Variants in ADGRL3 observed in about 807,000 individuals in gnomAD.
ADGRL3 encodes the protein calcium-independent alpha-latrotoxin receptor 3.
A neutral mutation model predicts 153.5 loss-of-function variants in ADGRL3; 62 were observed. The ratio of observed to expected loss-of-function variants is 0.40; its 90% CI spans 0.33 to 0.50. The LOEUF is 0.50. ADGRL3 is among the 20% of genes least tolerant of loss of function. The pLI is 0.47. For missense variants in ADGRL3, 1,641 were observed against 1,859.4 expected (o/e 0.88, Z 2.16); for synonymous variants, 710 against 672.5 (o/e 1.06, Z -0.86).
At chr4:61,287,518 A>G (rs2150093009) in intron 1 of ADGRL3, among the ~76,000 whole-genome samples, 1 of 152,130 alleles carries the variant, frequency 6.6e-6, no homozygotes, top group East Asian at 1.9e-4. Flanking sequence ...TTGGAAAACA[A>G]TTGTTTGAAT....
intron 3 of ADGRL3, 43 bp downstream of exon 3, chr4:61,497,391 A>C: frequency 1.5e-5 from 18 of 1,239,002 alleles, no homozygotes; most frequent in Non-Finnish European, 1.9e-5. Flanking sequence ...ATGTTGTCTC[A>C]CTTATTCATA....
intron 6 of ADGRL3, among the ~76,000 whole-genome samples, chr4:61,710,063 A>G (rs952125925): frequency 1.3e-5 from 2 of 152,184 alleles, no homozygotes; most frequent in Non-Finnish European, 2.9e-5. Flanking sequence ...ATTATTTAAC[A>G]GAAGTTACTT....
At chr4:61,248,073 A>G (rs1757784053) in intron 1 of ADGRL3, among the ~76,000 whole-genome samples, 1 of 152,148 alleles carries the variant, frequency 6.6e-6, no homozygotes, top group Non-Finnish European at 1.5e-5. Flanking sequence ...TTCATTTAAA[A>G]GGTTTAGAGG....
chr4:61,648,396 G>A (rs1428571806), intron 5 of ADGRL3, among the ~76,000 whole-genome samples: 1 of 136,970 alleles, frequency 7.3e-6, no homozygotes, highest in South Asian at 2.5e-4. Context: ...CTCAATGAGT[G>A]ATTTTTCTGC....
intron 9 of ADGRL3, among the ~76,000 whole-genome samples, chr4:61,828,684 C>T (rs1240299179): frequency 3.9e-5 from 6 of 152,136 alleles, no homozygotes; most frequent in Admixed American, 2.0e-4. Context: ...TGGAGTACTT[C>T]ATTTTGTACT....
chr4:61,653,168 TCTCA>T (rs879879431), intron 5 of ADGRL3, among the ~76,000 whole-genome samples: 2,931 of 55,164 alleles, frequency 0.053, 65 homozygotes, highest in East Asian at 0.19. Context: ...TCTCTCTCTC[TCTCA>T]CACACACACA....
chr4:61,749,166 T>A (rs1305331017), intron 8 of ADGRL3, among the ~76,000 whole-genome samples: 1 of 151,994 alleles, frequency 6.6e-6, no homozygotes, highest in Non-Finnish European at 1.5e-5. Flanking sequence ...TGAGATACCA[T>A]CTCACACCAG....
At chr4:61,316,877 T>C (rs2095230909) in intron 1 of ADGRL3, among the ~76,000 whole-genome samples, 1 of 152,228 alleles carries the variant, frequency 6.6e-6, no homozygotes, top group Non-Finnish European at 1.5e-5. Context: ...CTATGCCTTC[T>C]CTTTATTATT....
intron 10 of ADGRL3, 50 bp downstream of exon 10, chr4:61,893,008 T>C: frequency 8.0e-7 from 1 of 1,250,064 alleles, no homozygotes; most frequent in East Asian, 3.0e-5. Flanking sequence ...TGCTTTGGCT[T>C]TATTTTCTAG....
intron 8 of ADGRL3, among the ~76,000 whole-genome samples, chr4:61,737,403 A>G (rs951324382): frequency 6.6e-6 from 1 of 152,160 alleles, no homozygotes; most frequent in Non-Finnish European, 1.5e-5. Flanking sequence ...TTGGGTATAT[A>G]AAGATCCTCT....
At chr4:62,059,874 A>G (rs1739124360) in intron 25 of ADGRL3, among the ~76,000 whole-genome samples, 1 of 152,168 alleles carries the variant, frequency 6.6e-6, no homozygotes, top group African/African-American at 2.4e-5. Flanking sequence ...TTCTCAGATT[A>G]ATAGTTTCAC....
chr4:61,221,122 G>T (rs1225624689), intron 1 of ADGRL3, among the ~76,000 whole-genome samples: 3 of 152,104 alleles, frequency 2.0e-5, no homozygotes, highest in Non-Finnish European at 4.4e-5. Context: ...TGAGCTCAGA[G>T]ACCTTTATCC....
chr4:61,435,968 A>G, intron 2 of ADGRL3, among the ~76,000 whole-genome samples: 1 of 152,238 alleles, frequency 6.6e-6, no homozygotes, highest in Non-Finnish European at 1.5e-5. Flanking sequence ...AAAAAATTAG[A>G]TAATAATTTT....
At chr4:61,474,868 A>G (rs916871061) in intron 2 of ADGRL3, among the ~76,000 whole-genome samples, 2 of 152,264 alleles carry the variant, frequency 1.3e-5, no homozygotes, top group African/African-American at 4.8e-5. Context: ...CCAAAGATAA[A>G]TCATTTCCCC....
intron 16 of ADGRL3, among the ~76,000 whole-genome samples, chr4:61,947,514 A>T (rs755261452): frequency 6.6e-6 from 1 of 152,184 alleles, no homozygotes; most frequent in Non-Finnish European, 1.5e-5. Flanking sequence ...ATGGGTAACT[A>T]TGTGAGACGA....
At chr4:61,833,632 A>G (rs1258361013) in intron 9 of ADGRL3, among the ~76,000 whole-genome samples, 1 of 152,130 alleles carries the variant, frequency 6.6e-6, no homozygotes, top group Non-Finnish European at 1.5e-5. Context: ...GGATCTGCAA[A>G]ATATCTCAAG....
Position 61,779,057 on chromosome 4 carries a change from C to CAA in ADGRL3, c.1400-34739_1400-34738dup, listed in dbSNP as rs768930407. Among the ~76,000 whole-genome samples the CAA allele has an allele frequency of 2.1e-3, 228 of 108,012 alleles. 2 individuals are homozygous for CAA. Among genetic ancestry groups the CAA allele is most frequent in the African/African-American group, 5.9e-3 (188 of 31,772 alleles). The allele number at this position is 108,012 out of a possible 152,430, so 70.9% of individuals were successfully genotyped here. A position where few individuals can be genotyped will look rare whatever the true frequency, so the allele number is the denominator to read the frequency against. On this transcript the variant is annotated intron_variant, in intron 8 of 26. Transcript: ENST00000683033. ...TGGGTGACAGAGGGAGACTCTGTCTCAAAAAAAAAAAAAATCACTTGTAGA... is the reference window on the plus strand; with the variant it reads ...TGGGTGACAGAGGGAGACTCTGTCTCAAAAAAAAAAAAAAAATCACTTGTAGA...
At chr4:61,509,894 A>G (rs2098453978) in intron 3 of ADGRL3, among the ~76,000 whole-genome samples, 1 of 152,156 alleles carries the variant, frequency 6.6e-6, no homozygotes, top group Admixed American at 6.6e-5. Context: ...ACAGTATGTA[A>G]GCATCCCTTT....
At chr4:61,369,822 A>C (rs1016992464) in intron 1 of ADGRL3, among the ~76,000 whole-genome samples, 3 of 151,912 alleles carry the variant, frequency 2.0e-5, no homozygotes, top group African/African-American at 7.3e-5. Context: ...TCCTCCTTGT[A>C]CCTCTGGTAG....
Sources: gnomAD v4.1 joint callset for allele counts (sites outside exome capture counted in the v4.1 genomes callset) on GRCh38, gnomAD v4.1.1 for gene constraint, MANE v1.5 for transcripts, NCBI Gene and HGNC (gene_info 2026-07-23, HGNC 2026-07-21) for gene names.